Variants in SYN3 observed in about 807,000 individuals in gnomAD.
SYN3 encodes synapsin-3.
Under a neutral mutation model 65.8 loss-of-function variants are expected in SYN3, and 35 were observed. That is an observed-to-expected ratio of 0.53 (90% confidence interval 0.41 to 0.70). SYN3 has a LOEUF of 0.70. Among genes scored for constraint, SYN3 ranks in the 30% least tolerant of loss-of-function variants. The pLI is 0.00. For synonymous variants in SYN3, 270 were observed against 292.9 expected, an observed-to-expected ratio of 0.92 and a Z score of 0.80; for missense variants, 680 against 749.0, an observed-to-expected ratio of 0.91 and a Z score of 1.08.
In SYN3 at chr22:32,799,755, C is replaced by T. The variant is rs73885105; in HGVS notation, c.711+65160G>A. 9.5e-3 allele frequency among the ~76,000 whole-genome samples: 1,453 copies of T among 152,252 alleles called. 31 individuals are homozygous for T. Among genetic ancestry groups the T allele is most frequent in the African/African-American group, 0.034 (1,416 of 41,542 alleles). On this transcript the variant is annotated intron_variant, in intron 6 of 13. Coordinates refer to ENST00000358763, the MANE Select transcript of SYN3 (RefSeq NM_003490.4). ...AGAGTGGCCTCCAGGGCACTCTGCT[C>T]AGGACTCAGTCAGCTGTTGGCCACA...
At chr22:32,961,690 C>T (rs1338022156) in intron 3 of SYN3, among the ~76,000 whole-genome samples, 3 of 152,230 alleles carry the variant, frequency 2.0e-5, no homozygotes, top group African/African-American at 7.2e-5. Flanking sequence ...ATAATGAGGC[C>T]GCCCCTCAGC....
At chr22:32,757,713 A>C (rs796146656) in intron 6 of SYN3, among the ~76,000 whole-genome samples, 4 of 152,210 alleles carry the variant, frequency 2.6e-5, no homozygotes, top group African/African-American at 9.7e-5. Flanking sequence ...GGAGGCAAGG[A>C]AGAGTATGTG....
At chr22:32,968,236 A>G (rs145956182) in intron 3 of SYN3, among the ~76,000 whole-genome samples, 1 of 152,324 alleles carries the variant, frequency 6.6e-6, no homozygotes, top group East Asian at 1.9e-4. Flanking sequence ...GTTAAGGAAC[A>G]CAGTGGCGAG....
At chr22:33,009,657 A>T (rs1469372230) in intron 1 of SYN3, among the ~76,000 whole-genome samples, 1 of 151,848 alleles carries the variant, frequency 6.6e-6, no homozygotes, top group Admixed American at 6.6e-5. Flanking sequence ...AAGCATCCCA[A>T]TAAGAAAAAA....
At chr22:32,873,189 G>A (rs185307832) in intron 4 of SYN3, among the ~76,000 whole-genome samples, 1 of 152,136 alleles carries the variant, frequency 6.6e-6, no homozygotes, top group South Asian at 2.1e-4. Flanking sequence ...GACCTCAGGT[G>A]ATCTGCCCAC....
chr22:32,717,604 T>C (rs1421035857), intron 6 of SYN3, among the ~76,000 whole-genome samples: 2 of 152,064 alleles, frequency 1.3e-5, no homozygotes, highest in East Asian at 3.9e-4. Context: ...ATGTCAGACT[T>C]GGGCAAGCTG....
intron 6 of SYN3, among the ~76,000 whole-genome samples, chr22:32,608,860 T>G (rs538585048): frequency 3.0e-4 from 45 of 152,206 alleles, no homozygotes; most frequent in Non-Finnish European, 5.3e-4. Flanking sequence ...CCAGAAACTC[T>G]TTGGGGATAA....
chr22:32,558,802 G>A (rs2058541767), intron 7 of SYN3, among the ~76,000 whole-genome samples: 1 of 152,250 alleles, frequency 6.6e-6, no homozygotes, highest in Non-Finnish European at 1.5e-5. Flanking sequence ...AAGGCAGACT[G>A]TGCCAGGGGA....
intron 6 of SYN3, among the ~76,000 whole-genome samples, chr22:32,599,590 G>A (rs2059252582): frequency 6.6e-6 from 1 of 152,136 alleles, no homozygotes; most frequent in South Asian, 2.1e-4. Context: ...CAAAGTGCTG[G>A]GATTACAGGT....
intron 6 of SYN3, among the ~76,000 whole-genome samples, chr22:32,677,166 G>A (rs1316535513): frequency 2.0e-5 from 3 of 152,180 alleles, no homozygotes; most frequent in Non-Finnish European, 4.4e-5. Context: ...CAGAAGCTTT[G>A]ACATACCCCT....
chr22:32,964,384 C>T (rs913027707), intron 3 of SYN3, among the ~76,000 whole-genome samples: 8 of 144,344 alleles, frequency 5.5e-5, no homozygotes, highest in Admixed American at 2.8e-4. Flanking sequence ...CTAACCTGCA[C>T]GTTGTGCACA....
intron 6 of SYN3, among the ~76,000 whole-genome samples, chr22:32,855,248 C>A (rs866043692): frequency 1.8e-4 from 28 of 152,322 alleles, no homozygotes; most frequent in Admixed American, 3.9e-4. Flanking sequence ...GCACACTGGG[C>A]TTGTGTAATA....
intron 6 of SYN3, among the ~76,000 whole-genome samples, chr22:32,641,186 G>T: frequency 6.6e-6 from 1 of 152,198 alleles, no homozygotes; most frequent in Non-Finnish European, 1.5e-5. Flanking sequence ...GTCAGGCAGG[G>T]CTGGCCTCTT....
chr22:32,729,012 G>A lies in SYN3; in HGVS notation c.712-132276C>T, dbSNP rs150032268. Among the ~76,000 whole-genome samples, 424 of 152,322 alleles carry A rather than the reference G, an allele frequency of 2.8e-3. 1 individual carries two copies. The highest frequency in any genetic ancestry group is 8.7e-3 in the African/African-American group (363 of 41,578). On this transcript the variant is annotated intron_variant, in intron 6 of 13. Coordinates refer to ENST00000358763, the MANE Select transcript of SYN3 (RefSeq NM_003490.4). ...GAGCTCAACGGTGGGCCCAGGATAC[G>A]TGGGGTGGGGTTACCCCATCCTAAC...
intron 6 of SYN3, among the ~76,000 whole-genome samples, chr22:32,620,317 C>CT (rs888172642): frequency 3.6e-4 from 54 of 151,634 alleles, no homozygotes; most frequent in Non-Finnish European, 3.4e-4. Flanking sequence ...ACTCCAAAAA[C>CT]TTTTTTTTTA....
intron 3 of SYN3, among the ~76,000 whole-genome samples, chr22:32,948,876 T>TAAA (rs200190615): frequency 2.2e-4 from 30 of 135,230 alleles, no homozygotes; most frequent in African/African-American, 8.8e-4. Context: ...ATTAAATGTC[T>TAAA]AAAAAAAAAA....
intron 6 of SYN3, among the ~76,000 whole-genome samples, chr22:32,718,506 G>GAAAAAAA (rs199623097): frequency 3.8e-5 from 4 of 106,564 alleles, no homozygotes; most frequent in Admixed American, 9.9e-5. Context: ...TTCAAGGACT[G>GAAAAAAA]AAAAAAAAAA....
chr22:32,915,277 TAAAA>T (rs1319859904), intron 4 of SYN3, among the ~76,000 whole-genome samples: 1 of 152,076 alleles, frequency 6.6e-6, no homozygotes, highest in Admixed American at 6.5e-5. Context: ...ATAATAATAA[TAAAA>T]AAAGAATTAT....
intron 6 of SYN3, among the ~76,000 whole-genome samples, chr22:32,810,858 A>T (rs2046897852): frequency 6.6e-6 from 1 of 152,066 alleles, no homozygotes; most frequent in South Asian, 2.1e-4. Flanking sequence ...TTTGACTTAG[A>T]CTTTATCATC....
Sources: gnomAD v4.1 joint callset for allele counts (sites outside exome capture counted in the v4.1 genomes callset) on GRCh38, gnomAD v4.1.1 for gene constraint, MANE v1.5 for transcripts, NCBI Gene and HGNC (gene_info 2026-07-23, HGNC 2026-07-21) for gene names.